Variants in TBX3 observed in about 807,000 individuals in gnomAD.
The protein encoded by TBX3 is T-box transcription factor TBX3.
In TBX3, 11 loss-of-function variants were observed where a neutral mutation model predicts 47.8. That is an observed-to-expected ratio of 0.23 (90% CI 0.14 to 0.38). The LOEUF (loss-of-function observed/expected upper bound fraction) is 0.38. TBX3 is among the 10% of genes least tolerant of loss of function. The pLI is 1.00. For synonymous variants in TBX3, 500 were observed against 449.3 expected, an observed-to-expected ratio of 1.11 and a Z score of -1.43; for missense variants, 927 against 1,022.8, an observed-to-expected ratio of 0.91 and a Z score of 1.28.
Position 114,683,374 on chromosome 12 carries a change from G to T in TBX3, c.-174C>A, listed in dbSNP as rs1258897470. ...GAAATCACAACTAATGCACTTCAAA[G>T]GGAGGAGGGGAAGTGTCTTTTGGAG... On this transcript the variant is annotated 5_prime_UTR_variant, in exon 1 of 7. Coordinates refer to ENST00000349155, the MANE Select transcript of TBX3 (RefSeq NM_005996.4). This position sits in a 1 kb window ranked among gnomAD's most constrained non-coding sequence, Gnocchi z 7.7. 3 of 852,894 alleles carry T rather than the reference G, an allele frequency of 3.5e-6. No homozygotes were observed. The highest frequency in any genetic ancestry group is 2.9e-5 in the Admixed American group (1 of 35,066). 52.8% of individuals were successfully genotyped at this position (852,894 alleles called of 1,614,324 possible). A position where few individuals can be genotyped will look rare whatever the true frequency, so the allele number is the denominator to read the frequency against.
Position 114,683,095 on chromosome 12 carries a change from G to C in TBX3, c.106C>G (p.His36Asp). Residue 36 changes from histidine to aspartate, a missense_variant, in exon 1 of 7, where the codon CAC (histidine) becomes GAC (aspartate). Coordinates refer to ENST00000349155, the MANE Select transcript of TBX3 (RefSeq NM_005996.4). The surrounding 1 kb of genome is among the most constrained non-coding windows in gnomAD (Gnocchi z 7.7). ...AGCGCGGGGAAGAACGGCGGCTGGT[G>C]ACCCAGCACCGCGCTCATGGCGAAG... ...PDFAMSAVLG[H>D]QPPFFPALTL... 1 of 1,611,408 alleles carries C rather than the reference G, an allele frequency of 6.2e-7. No homozygotes were observed. Among genetic ancestry groups the C allele is most frequent in the Non-Finnish European group, 8.5e-7 (1 of 1,178,748 alleles).
In TBX3 at chr12:114,671,179, C is replaced by A; in HGVS notation, c.*662G>T. 4.6e-6 allele frequency: 1 copy of A among 216,862 alleles called. No homozygotes were observed. Among genetic ancestry groups the A allele is most frequent in the African/African-American group, 2.2e-5 (1 of 44,502 alleles). 13.4% of individuals were successfully genotyped at this position (216,862 alleles called of 1,614,324 possible). A position where few individuals can be genotyped will look rare whatever the true frequency, so the allele number is the denominator to read the frequency against. ...TGTTTTCTCTCTAAAAGCAAGCGTTCAAAATAAAAACCACAAATACATTAC... is the reference window on the plus strand; with the variant it reads ...TGTTTTCTCTCTAAAAGCAAGCGTTAAAAATAAAAACCACAAATACATTAC... On this transcript the variant is annotated 3_prime_UTR_variant, in exon 7 of 7. Transcript: ENST00000349155.
intron 4 of TBX3, among the ~76,000 whole-genome samples, chr12:114,677,149 T>A (rs1447116503): frequency 1.3e-5 from 2 of 152,200 alleles, no homozygotes; most frequent in African/African-American, 4.8e-5. Context: ...AAATGATACA[T>A]GTCCCCACGA....
chr12:114,677,733 C>T, intron 3 of TBX3, 77 bp from the exon 4 acceptor site: 1 of 1,388,370 alleles, frequency 7.2e-7, no homozygotes. Context: ...TTTCCCAACT[C>T]AACAAGTCTA....
In TBX3 at chr12:114,670,628, A is replaced by T. The variant is rs1281194545; in HGVS notation, c.*1213T>A. 9 of 218,840 alleles carry T rather than the reference A, an allele frequency of 4.1e-5. No individual in the cohort carries two copies. The highest frequency in any genetic ancestry group is 2.4e-4 in the Admixed American group (4 of 17,008). The allele number at this position is 218,840 out of a possible 1,614,324, so 13.6% of individuals were successfully genotyped here. On this transcript the variant is annotated 3_prime_UTR_variant, in exon 7 of 7. Transcript: ENST00000349155. ...AGCTGGAAAGTGGCACTCCTTCCCC[A>T]ATTTTGGTGAAAATAGGAAATAGCA...
chr12:114,674,261 G>A lies in TBX3; in HGVS notation c.1614C>T (p.Ser538=), dbSNP rs1868590280. The A allele has an allele frequency of 4.4e-6, 7 of 1,579,072 alleles. No homozygotes were observed. The South Asian group carries it at 8.1e-5, about 18-fold the overall frequency. The change falls in exon 6 of 7, where the codon TCC becomes TCT. Residue 538 remains serine (S), a synonymous_variant. Transcript: ENST00000349155. ...GASTGVSGLD[S]TAMASAAAAQ... ...CCGCAGCGGCAGAGGCCATGGCCGT[G>A]GAATCCAGGCCCGAGACACCGGTGG... is the stretch of plus-strand genomic sequence containing the variant.
chr12:114,678,648 G>A (rs2121394435), intron 3 of TBX3, among the ~76,000 whole-genome samples: 1 of 152,324 alleles, frequency 6.6e-6, no homozygotes, highest in South Asian at 2.1e-4. Context: ...TGTGTTGTCA[G>A]GTAAAATGGA....
At chr12:114,678,581 C>G (rs890362528) in intron 3 of TBX3, among the ~76,000 whole-genome samples, 1 of 152,228 alleles carries the variant, frequency 6.6e-6, no homozygotes, top group Admixed American at 6.5e-5. Flanking sequence ...ACATCCCCAT[C>G]ATGAAGTCCA....
rs749487839 is a variant in TBX3 at position 114,680,923 on chromosome 12, G to A, written c.613C>T (p.His205Tyr). The change falls in exon 2 of 7, where the codon CAC becomes TAC. Residue 205 changes from histidine to tyrosine, a missense_variant. His to Tyr is a moderately conservative substitution (Grantham distance 83, BLOSUM62 2). Coordinates refer to ENST00000349155, the MANE Select transcript of TBX3 (RefSeq NM_005996.4). Reference protein sequence around the residue: ...EQWMSKVVTFHKLKLTNNISD... With the variant: ...EQWMSKVVTFYKLKLTNNISD... ...ATGTTGTTGGTGAGTTTCAGTTTGT[G>A]GAAAGTGACGACTTTGGACATCCAC... 3.2e-5 allele frequency: 52 copies of A among 1,613,984 alleles called. 1 individual carries two copies. In the Admixed American group the frequency reaches 8.3e-4, roughly 26 times the overall value.
In TBX3 at chr12:114,677,476, C is replaced by G. The variant is rs571136363; in HGVS notation, c.881+104G>C. The G allele has an allele frequency of 2.7e-6, 3 of 1,112,616 alleles. No homozygotes were observed. The East Asian group carries it at 7.5e-5, about 28-fold the overall frequency. The allele number at this position is 1,112,616 out of a possible 1,614,324, so 68.9% of individuals were successfully genotyped here. A position where few individuals can be genotyped will look rare whatever the true frequency, so the allele number is the denominator to read the frequency against. ...GTGGGGAAAGTGAATGATTTCCACC[C>G]GCTCTTAGGATAAGTGCCTGCATCT... On this transcript the variant is annotated intron_variant, in intron 4 of 6. Coordinates refer to ENST00000349155, the MANE Select transcript of TBX3 (RefSeq NM_005996.4).
chr12:114,679,756 C>A, intron 2 of TBX3, 105 bp from the exon 3 acceptor site: 1 of 1,564,398 alleles, frequency 6.4e-7, no homozygotes, highest in Non-Finnish European at 8.8e-7. Context: ...CGCAGGGTAC[C>A]ACGCTTGTAC....
At chr12:114,680,194 T>C (rs371498378) in intron 2 of TBX3, 16 of 582,338 alleles carry the variant, frequency 2.7e-5, no homozygotes, top group East Asian at 1.4e-4. Flanking sequence ...TTCTGCTTAC[T>C]CCTTGCTTAT....
rs775876595 is a variant in TBX3 at position 114,674,846 on chromosome 12, C to A, written c.1040-11G>T. The A allele has an allele frequency of 6.4e-7, 1 of 1,561,666 alleles. No individual in the cohort carries two copies. The highest frequency in any genetic ancestry group is 2.3e-5 in the East Asian group (1 of 43,594). ...CGCTGGGACATAAATCTACCACAGG[C>A]GAAGGAAAAAACCAAGGCAGAAGGG... is the stretch of plus-strand genomic sequence containing the variant. On this transcript the variant is annotated splice_polypyrimidine_tract_variant and intron_variant, in intron 5 of 6. Transcript: ENST00000349155.
intron 4 of TBX3, 30 bp downstream of exon 4, chr12:114,677,550 A>G: frequency 6.2e-7 from 1 of 1,609,520 alleles, no homozygotes; most frequent in Non-Finnish European, 8.5e-7. Flanking sequence ...ATTTTTCTAA[A>G]CTATCTAATA....
At chr12:114,682,684 A>G in intron 1 of TBX3, 128 bp downstream of exon 1, 1 of 1,437,890 alleles carries the variant, frequency 7.0e-7, no homozygotes. Context: ...GTCTGTGCAT[A>G]CATTTCTAGG....
chr12:114,678,378 A>G (rs1312663142), intron 3 of TBX3, among the ~76,000 whole-genome samples: 1 of 152,202 alleles, frequency 6.6e-6, no homozygotes, highest in East Asian at 1.9e-4. Context: ...GAAAAATGCT[A>G]TAGTGTGTAA....
At position 114,670,960 on chromosome 12, in the gene TBX3, A is replaced by AT. The variant is rs1565857429; in HGVS notation, c.*880dup. ...TGTCTAATAGTCTCACTTCTTTATT[A>AT]TTTTTTTAAAACCTTGTTATTGCAT... On this transcript the variant is annotated 3_prime_UTR_variant, in exon 7 of 7. Transcript: ENST00000349155. 9.5e-6 allele frequency: 2 copies of AT among 210,620 alleles called. No individual in the cohort carries two copies. The highest frequency in any genetic ancestry group is 1.9e-5 in the Non-Finnish European group (2 of 103,872). 13.0% of individuals were successfully genotyped at this position (210,620 alleles called of 1,614,324 possible).
chr12:114,672,267 A>C lies in TBX3; in HGVS notation c.1746T>G (p.Pro582=). Reference sequence around the variant, plus strand: ...CTGCGGCCATGTACGTGTAGGGGTAAGGGAACAGGCTTCCGAAAGGGGACA... The same window carrying C: ...CTGCGGCCATGTACGTGTAGGGGTACGGGAACAGGCTTCCGAAAGGGGACA... ...LAMSPFGSLF[P]YPYTYMAAAA... is the part of the protein sequence containing the mutation. Residue 582 remains proline (P), a synonymous_variant, in exon 7 of 7, where the codon CCT becomes CCG. Coordinates refer to ENST00000349155, the MANE Select transcript of TBX3 (RefSeq NM_005996.4). 4 of 1,575,906 alleles carry C rather than the reference A, an allele frequency of 2.5e-6. No homozygotes were observed. Among genetic ancestry groups the C allele is most frequent in the Non-Finnish European group, 3.4e-6 (4 of 1,161,712 alleles).
chr12:114,680,310 T>C (rs996107160), intron 2 of TBX3: 4 of 378,470 alleles, frequency 1.1e-5, no homozygotes, highest in Non-Finnish European at 2.0e-5. Flanking sequence ...TTCTAAGCAC[T>C]GTCACTGAAT....
Sources: allele counts gnomAD v4.1 joint callset (sites outside exome capture counted in the v4.1 genomes callset), GRCh38; gene constraint gnomAD v4.1.1; non-coding constraint Gnocchi (gnomAD v3.1); transcripts MANE v1.5; gene names NCBI Gene and HGNC (gene_info 2026-07-23, HGNC 2026-07-21).